TCF12: variants seen among roughly 807,000 people sequenced by gnomAD.
TCF12 encodes the protein transcription factor 12.
A neutral mutation model predicts 86.0 loss-of-function variants in TCF12; 45 were observed. The observed-to-expected ratio is 0.52, with a 90% CI of 0.41 to 0.67. The LOEUF (loss-of-function observed/expected upper bound fraction) is 0.67, where lower values mean the gene tolerates loss of function less well. TCF12 is among the 30% of genes least tolerant of loss of function. The pLI is 0.00. For missense variants in TCF12, 881 were observed against 859.9 expected, an observed-to-expected ratio of 1.02 and a Z score of -0.31; for synonymous variants, 330 against 299.6, an observed-to-expected ratio of 1.10 and a Z score of -1.05.
chr15:57,022,055 T>TA (rs1374328764), intron 3 of TCF12, among the ~76,000 whole-genome samples: 5 of 142,140 alleles, frequency 3.5e-5, no homozygotes, highest in Admixed American at 6.8e-5. Context: ...TTCTTTTTTT[T>TA]ATGTATGTAT....
At chr15:57,246,015 C>CA (rs1207257436) in intron 13 of TCF12, among the ~76,000 whole-genome samples, 6 of 134,448 alleles carry the variant, frequency 4.5e-5, no homozygotes, top group African/African-American at 2.0e-4. Flanking sequence ...TATTCACTGT[C>CA]AAAGGGAAAA....
chr15:57,007,457 G>A (rs1024731433), intron 3 of TCF12, among the ~76,000 whole-genome samples: 1 of 152,174 alleles, frequency 6.6e-6, no homozygotes, highest in Non-Finnish European at 1.5e-5. Context: ...TTGTTTAAGA[G>A]AATTTTTTGG....
chr15:57,171,445 A>C (rs2055493392), intron 6 of TCF12, among the ~76,000 whole-genome samples: 2 of 151,984 alleles, frequency 1.3e-5, no homozygotes, highest in Admixed American at 1.3e-4. Context: ...CACAAGCGAC[A>C]AAAAAAATCC....
chr15:56,961,919 G>C (rs1490666958), intron 3 of TCF12, among the ~76,000 whole-genome samples: 1 of 151,976 alleles, frequency 6.6e-6, no homozygotes, highest in Non-Finnish European at 1.5e-5. Flanking sequence ...GAGGTGGGTG[G>C]ATCACGAGGT....
At chr15:57,197,152 C>CTTTTTTTTTTTTTTTTTTTTTTTT (rs138145337) in intron 7 of TCF12, among the ~76,000 whole-genome samples, 4 of 87,254 alleles carry the variant, frequency 4.6e-5, no homozygotes, top group African/African-American at 1.3e-4. Flanking sequence ...AGAACAGCTT[C>CTTTTTTTTTTTTTTTTTTTTTTTT]TTTTTTTTTT....
chr15:57,236,451 GTGAC>G (rs1354894413), intron 12 of TCF12, among the ~76,000 whole-genome samples: 2 of 152,146 alleles, frequency 1.3e-5, no homozygotes, highest in African/African-American at 4.8e-5. Flanking sequence ...TTTTGAAATG[GTGAC>G]TGACTCTTTT....
chr15:57,274,527 C>T (rs1348537383), intron 19 of TCF12, among the ~76,000 whole-genome samples: 1 of 152,198 alleles, frequency 6.6e-6, no homozygotes, highest in Non-Finnish European at 1.5e-5. Flanking sequence ...GTTACCCACT[C>T]GCCTGTGGCA....
At chr15:57,107,831 C>T (rs1385081200) in intron 5 of TCF12, among the ~76,000 whole-genome samples, 1 of 151,988 alleles carries the variant, frequency 6.6e-6, no homozygotes, top group Non-Finnish European at 1.5e-5. Flanking sequence ...TCGCTTAAGC[C>T]CAAGAATTGA....
chr15:57,004,895 T>C (rs781472662), intron 3 of TCF12, among the ~76,000 whole-genome samples: 1 of 152,236 alleles, frequency 6.6e-6, no homozygotes, highest in Middle Eastern at 3.2e-3. Flanking sequence ...CAGTTCTCTA[T>C]GTTTTCAAGA....
At chr15:57,246,477 C>T (rs1173587965) in intron 13 of TCF12, among the ~76,000 whole-genome samples, 3 of 152,074 alleles carry the variant, frequency 2.0e-5, no homozygotes, top group Admixed American at 6.6e-5. Flanking sequence ...AGGGCTCCTG[C>T]TCTACTTTGC....
At chr15:57,197,152 C>CTTTTTTTTGTTTTTT (rs2057306213) in intron 7 of TCF12, among the ~76,000 whole-genome samples, 1 of 87,260 alleles carries the variant, frequency 1.1e-5, no homozygotes, top group Non-Finnish European at 2.1e-5. Context: ...AGAACAGCTT[C>CTTTTTTTTGTTTTTT]TTTTTTTTTT....
chr15:56,928,781 C>T (rs2060124430), intron 3 of TCF12, among the ~76,000 whole-genome samples: 1 of 152,104 alleles, frequency 6.6e-6, no homozygotes, highest in African/African-American at 2.4e-5. Context: ...TATTCTTTCT[C>T]CAGCTACTTG....
At chr15:57,062,668 G>A (rs1025814080) in intron 3 of TCF12, among the ~76,000 whole-genome samples, 5 of 152,060 alleles carry the variant, frequency 3.3e-5, no homozygotes, top group African/African-American at 4.8e-5. Flanking sequence ...AGAATTTGTG[G>A]CATTTAATTT....
intron 3 of TCF12, among the ~76,000 whole-genome samples, chr15:56,998,666 G>C (rs746835030): frequency 1.3e-5 from 2 of 151,924 alleles, no homozygotes; most frequent in Non-Finnish European, 2.9e-5. Flanking sequence ...CAGAATGTCC[G>C]AACAACATTA....
chr15:57,216,394 A>G (rs1339933046), intron 8 of TCF12, among the ~76,000 whole-genome samples: 1 of 152,046 alleles, frequency 6.6e-6, no homozygotes, highest in Non-Finnish European at 1.5e-5. Context: ...GTAACACATA[A>G]GTGATTATGT....
chr15:56,975,628 A>AG (rs1366678459), intron 3 of TCF12, among the ~76,000 whole-genome samples: 6 of 146,894 alleles, frequency 4.1e-5, no homozygotes, highest in East Asian at 2.1e-4. Flanking sequence ...GCTAAAAACT[A>AG]GGGGTTTTTT....
intron 5 of TCF12, among the ~76,000 whole-genome samples, chr15:57,142,003 T>C (rs1291320001): frequency 6.6e-6 from 1 of 152,138 alleles, no homozygotes; most frequent in South Asian, 2.1e-4. Context: ...AGAAACGATA[T>C]AGCTACAGTC....
At chr15:57,142,679 A>G (rs1445265986) in intron 5 of TCF12, among the ~76,000 whole-genome samples, 1 of 152,248 alleles carries the variant, frequency 6.6e-6, no homozygotes, top group Non-Finnish European at 1.5e-5. Flanking sequence ...ATGCTTATCA[A>G]CTAAAGTGGG....
chr15:56,958,753 T>C (rs2061611740), intron 3 of TCF12, among the ~76,000 whole-genome samples: 1 of 151,614 alleles, frequency 6.6e-6, no homozygotes, highest in African/African-American at 2.4e-5. Flanking sequence ...GGCTCATGCC[T>C]GTAATCCCAC....
Sources: allele counts gnomAD v4.1 joint callset (sites outside exome capture counted in the v4.1 genomes callset), GRCh38; gene constraint gnomAD v4.1.1; transcripts MANE v1.5; gene names NCBI Gene and HGNC (gene_info 2026-07-23, HGNC 2026-07-21).